The following SPOCK1 variants were observed in gnomAD, a reference collection of about 807,000 sequenced individuals.
The protein encoded by SPOCK1 is testican-1.
In SPOCK1, 23 loss-of-function variants were observed where a neutral mutation model predicts 55.3. The observed-to-expected ratio is 0.42, with a 90% CI of 0.30 to 0.59. SPOCK1 has a LOEUF of 0.59. Ranked by LOEUF, SPOCK1 falls within the 20% of genes least tolerant of loss-of-function variation. The pLI is 0.22. For missense variants in SPOCK1, 499 were observed against 552.5 expected, an observed-to-expected ratio of 0.90 and a Z score of 0.97; for synonymous variants, 226 against 221.0, an observed-to-expected ratio of 1.02 and a Z score of -0.20.
intron 3 of SPOCK1, among the ~76,000 whole-genome samples, chr5:137,169,953 A>C (rs1187448049): frequency 6.6e-6 from 1 of 152,212 alleles, no homozygotes; most frequent in Non-Finnish European, 1.5e-5. Context: ...GCCTCACTTA[A>C]GTATCTCAAA....
intron 6 of SPOCK1, among the ~76,000 whole-genome samples, chr5:137,007,393 A>G (rs1751268069): frequency 6.6e-6 from 1 of 152,120 alleles, no homozygotes; most frequent in African/African-American, 2.4e-5. Flanking sequence ...TTTTGCAATC[A>G]TCAATCTGAC....
intron 5 of SPOCK1, among the ~76,000 whole-genome samples, chr5:137,111,193 G>A (rs1226867044): frequency 1.3e-5 from 2 of 152,068 alleles, no homozygotes; most frequent in Admixed American, 1.3e-4. Flanking sequence ...GTGGTGAGGG[G>A]ATCACAGAGA....
At chr5:137,037,321 T>G (rs911209197) in intron 6 of SPOCK1, among the ~76,000 whole-genome samples, 1 of 150,856 alleles carries the variant, frequency 6.6e-6, no homozygotes, top group Non-Finnish European at 1.5e-5. Context: ...CCTCATCCCC[T>G]GTGCCTAGCC....
At chr5:137,235,996 G>T (rs748823106) in intron 3 of SPOCK1, among the ~76,000 whole-genome samples, 1 of 152,244 alleles carries the variant, frequency 6.6e-6, no homozygotes, top group Non-Finnish European at 1.5e-5. Flanking sequence ...GGCAGGGAGA[G>T]CCTCCACTCT....
At chr5:137,473,274 G>C (rs1421226976) in intron 2 of SPOCK1, among the ~76,000 whole-genome samples, 1 of 152,190 alleles carries the variant, frequency 6.6e-6, no homozygotes, top group Non-Finnish European at 1.5e-5. Context: ...AAATTCTGCA[G>C]CCCTATGAAA....
At chr5:137,391,881 C>A (rs1042895893) in intron 2 of SPOCK1, among the ~76,000 whole-genome samples, 3 of 152,140 alleles carry the variant, frequency 2.0e-5, no homozygotes, top group African/African-American at 7.2e-5. Flanking sequence ...CTGCCAATCT[C>A]CCTGAGTGCA....
intron 6 of SPOCK1, among the ~76,000 whole-genome samples, chr5:137,014,976 C>T (rs892425150): frequency 3.9e-5 from 6 of 152,164 alleles, no homozygotes; most frequent in Admixed American, 6.5e-5. Flanking sequence ...CAGATAGATT[C>T]TCTCCTGTGA....
At chr5:137,106,616 C>G (rs1024833180) in intron 5 of SPOCK1, among the ~76,000 whole-genome samples, 5 of 152,022 alleles carry the variant, frequency 3.3e-5, no homozygotes, top group African/African-American at 1.2e-4. Flanking sequence ...TCTATCCATC[C>G]CTGCACCCTC....
intron 7 of SPOCK1, among the ~76,000 whole-genome samples, chr5:136,989,192 T>C (rs1750900863): frequency 6.6e-6 from 1 of 152,244 alleles, no homozygotes; most frequent in African/African-American, 2.4e-5. Context: ...CACTCTTCTC[T>C]TCTGCAATCC....
At chr5:137,220,306 T>C (rs1042904835) in intron 3 of SPOCK1, among the ~76,000 whole-genome samples, 1 of 152,202 alleles carries the variant, frequency 6.6e-6, no homozygotes, top group South Asian at 2.1e-4. Flanking sequence ...TTGGGGGGCA[T>C]GTACATAACT....
chr5:137,057,020 T>C (rs888159032), intron 6 of SPOCK1, among the ~76,000 whole-genome samples: 3 of 152,152 alleles, frequency 2.0e-5, no homozygotes, highest in African/African-American at 4.8e-5. Context: ...TCCCACATTA[T>C]GCAGACCCTA....
At chr5:137,348,978 T>A (rs1436912059) in intron 2 of SPOCK1, among the ~76,000 whole-genome samples, 1 of 152,114 alleles carries the variant, frequency 6.6e-6, no homozygotes, top group Non-Finnish European at 1.5e-5. Flanking sequence ...CGAGATTGGT[T>A]ACAAAGATCA....
intron 10 of SPOCK1, 96 bp from the exon 11 acceptor site, chr5:136,978,940 C>T: frequency 7.6e-7 from 1 of 1,323,466 alleles, no homozygotes; most frequent in African/African-American, 1.5e-5. Context: ...TAAAACCAAG[C>T]AGTTTACTTT....
At chr5:137,064,332 G>A (rs1752454578) in intron 6 of SPOCK1, among the ~76,000 whole-genome samples, 1 of 152,176 alleles carries the variant, frequency 6.6e-6, no homozygotes, top group African/African-American at 2.4e-5. Context: ...ATAGAGGTAA[G>A]GTTGAAAATA....
At chr5:137,441,889 C>T (rs1753021802) in intron 2 of SPOCK1, among the ~76,000 whole-genome samples, 1 of 152,214 alleles carries the variant, frequency 6.6e-6, no homozygotes, top group Non-Finnish European at 1.5e-5. Context: ...CACAACTAGG[C>T]AGGTGCAGAA....
intron 2 of SPOCK1, among the ~76,000 whole-genome samples, chr5:137,340,212 G>A (rs948056455): frequency 1.3e-5 from 2 of 152,200 alleles, no homozygotes; most frequent in African/African-American, 4.8e-5. Flanking sequence ...AAGGGGAACT[G>A]GAACAGTTGG....
At chr5:137,485,858 T>G (rs1213808122) in intron 2 of SPOCK1, among the ~76,000 whole-genome samples, 3 of 152,224 alleles carry the variant, frequency 2.0e-5, no homozygotes, top group Non-Finnish European at 1.5e-5. Flanking sequence ...AGTCAGTGAC[T>G]GCCAGGGGCA....
intron 4 of SPOCK1, among the ~76,000 whole-genome samples, chr5:137,125,575 C>T (rs1228223884): frequency 1.3e-5 from 2 of 151,918 alleles, no homozygotes; most frequent in East Asian, 3.9e-4. Context: ...AATGTGAGGA[C>T]ACAATGAAAA....
At chr5:137,231,476 A>G (rs1283174530) in intron 3 of SPOCK1, among the ~76,000 whole-genome samples, 2 of 152,222 alleles carry the variant, frequency 1.3e-5, no homozygotes, top group Non-Finnish European at 2.9e-5. Context: ...AAAATATTAT[A>G]TAATTATACA....
Sources: allele counts gnomAD v4.1 joint callset (sites outside exome capture counted in the v4.1 genomes callset), GRCh38; gene constraint gnomAD v4.1.1; transcripts MANE v1.5; gene names NCBI Gene and HGNC (gene_info 2026-07-23, HGNC 2026-07-21).